AGBL4: variants seen among roughly 807,000 people sequenced by gnomAD.
AGBL4 encodes cytosolic carboxypeptidase 6.
In AGBL4, 58 loss-of-function variants were observed where a neutral mutation model predicts 66.4. The observed-to-expected ratio is 0.87, with a 90% CI of 0.71 to 1.09. The LOEUF (loss-of-function observed/expected upper bound fraction) is 1.09, where lower values mean the gene tolerates loss of function less well. Ranked by LOEUF, AGBL4 falls within the 50% of genes least tolerant of loss-of-function variation. The probability of loss-of-function intolerance (pLI) is 0.00; values close to 1 mark genes in which losing one functional copy is unlikely to be tolerated. For missense variants in AGBL4, 579 were observed against 631.0 expected (o/e 0.92, Z 0.88); for synonymous variants, 234 against 222.9 (o/e 1.05, Z -0.44).
intron 1 of AGBL4, among the ~76,000 whole-genome samples, chr1:49,890,799 A>G (rs980616723): frequency 4.6e-5 from 7 of 152,210 alleles, no homozygotes; most frequent in African/African-American, 1.7e-4. Flanking sequence ...GAGGAGGCAT[A>G]TATAAGAAAG....
intron 4 of AGBL4, among the ~76,000 whole-genome samples, chr1:49,192,650 C>A (rs115737235): frequency 6.6e-6 from 1 of 152,166 alleles, no homozygotes; most frequent in Non-Finnish European, 1.5e-5. Context: ...TTTTGAGAAG[C>A]GTCTGTTCAT....
intron 8 of AGBL4, among the ~76,000 whole-genome samples, chr1:48,643,443 G>C (rs1475968994): frequency 7.2e-5 from 11 of 152,068 alleles, no homozygotes; most frequent in Admixed American, 7.2e-4. Context: ...CATTCCTCAA[G>C]GATCTCCACT....
intron 3 of AGBL4, among the ~76,000 whole-genome samples, chr1:49,697,061 A>G (rs528388657): frequency 6.6e-6 from 1 of 152,224 alleles, no homozygotes; most frequent in Admixed American, 6.5e-5. Flanking sequence ...CTAACATATC[A>G]TGCTAATGCT....
At chr1:49,190,785 C>T (rs1322287637) in intron 4 of AGBL4, among the ~76,000 whole-genome samples, 1 of 152,108 alleles carries the variant, frequency 6.6e-6, no homozygotes, top group Non-Finnish European at 1.5e-5. Context: ...TATGTGCTAA[C>T]TTTGGATCTA....
At chr1:49,831,596 C>T (rs962353161) in intron 2 of AGBL4, among the ~76,000 whole-genome samples, 17 of 152,122 alleles carry the variant, frequency 1.1e-4, no homozygotes, top group Non-Finnish European at 1.9e-4. Flanking sequence ...TTTGAATACC[C>T]TTTATTTCTT....
At chr1:49,127,341 T>C (rs1377044233) in intron 4 of AGBL4, among the ~76,000 whole-genome samples, 2 of 152,148 alleles carry the variant, frequency 1.3e-5, no homozygotes, top group Admixed American at 1.3e-4. Flanking sequence ...TAGTGTATAC[T>C]GCTCGGTTGA....
At chr1:49,745,302 A>G (rs1332540863) in intron 2 of AGBL4, among the ~76,000 whole-genome samples, 1 of 152,084 alleles carries the variant, frequency 6.6e-6, no homozygotes, top group Non-Finnish European at 1.5e-5. Context: ...ATGGTCCAAA[A>G]AAAGATGAGA....
At chr1:49,666,643 T>G (rs1391700793) in intron 3 of AGBL4, among the ~76,000 whole-genome samples, 1 of 152,006 alleles carries the variant, frequency 6.6e-6, no homozygotes, top group Non-Finnish European at 1.5e-5. Context: ...TATCCTTACA[T>G]AATTACCACT....
At chr1:49,163,694 C>T (rs1646581261) in intron 4 of AGBL4, among the ~76,000 whole-genome samples, 1 of 151,990 alleles carries the variant, frequency 6.6e-6, no homozygotes, top group African/African-American at 2.4e-5. Flanking sequence ...ATAACTATGA[C>T]TTAATTCAAA....
At chr1:49,198,245 T>TTG (rs1017266516) in intron 4 of AGBL4, among the ~76,000 whole-genome samples, 1 of 152,144 alleles carries the variant, frequency 6.6e-6, no homozygotes, top group Non-Finnish European at 1.5e-5. Flanking sequence ...CACTTTCTCT[T>TTG]TCCCAGTGTC....
intron 1 of AGBL4, among the ~76,000 whole-genome samples, chr1:49,884,700 C>T (rs1647823096): frequency 6.6e-6 from 1 of 151,566 alleles, no homozygotes; most frequent in South Asian, 2.1e-4. Context: ...TGTGGCTTAT[C>T]TTTACAGAAG....
intron 6 of AGBL4, among the ~76,000 whole-genome samples, chr1:48,733,575 T>C (rs985316931): frequency 3.3e-5 from 5 of 152,208 alleles, no homozygotes; most frequent in African/African-American, 1.2e-4. Context: ...TGGCAGATGA[T>C]GCTGAGTTCC....
At chr1:49,466,762 G>A (rs1260253499) in intron 3 of AGBL4, among the ~76,000 whole-genome samples, 10 of 151,840 alleles carry the variant, frequency 6.6e-5, no homozygotes, top group Middle Eastern at 3.4e-3. Context: ...AACTGGGTTC[G>A]TATCCTCATT....
rs1470853566 is a variant in AGBL4 at position 49,372,457 on chromosome 1, A to G, written c.283-126593T>C. 2.0e-5 allele frequency among the ~76,000 whole-genome samples: 3 copies of G among 152,046 alleles called. No homozygotes were observed. The East Asian group carries it at 5.8e-4, about 29-fold the overall frequency. On this transcript the variant is annotated intron_variant, in intron 3 of 13. Coordinates refer to ENST00000371839, the MANE Select transcript of AGBL4 (RefSeq NM_032785.4). Reference sequence around the variant, plus strand: ...TTCCTTTCCCATAAAGCCTCCTACCAATCCCTCCAATCTTGGGAACTTTGT... The same window carrying G: ...TTCCTTTCCCATAAAGCCTCCTACCGATCCCTCCAATCTTGGGAACTTTGT...
At position 50,014,685 on chromosome 1, in the gene AGBL4, C is replaced by T. The variant is rs147771414; in HGVS notation, c.34+9078G>A. On this transcript the variant is annotated intron_variant, in intron 1 of 13. Transcript: ENST00000371839. ...GACTACAGGCACAAGCCAACACGCC[C>T]GGCTAATTTTTGTATATCTAGTAGA... Among the ~76,000 whole-genome samples the T allele has an allele frequency of 2.6e-3, 392 of 151,792 alleles. 3 individuals carry two copies. Among genetic ancestry groups the T allele is most frequent in the African/African-American group, 9.0e-3 (371 of 41,390 alleles).
chr1:48,745,995 C>T (rs529168117), intron 6 of AGBL4, among the ~76,000 whole-genome samples: 7 of 152,172 alleles, frequency 4.6e-5, no homozygotes, highest in South Asian at 2.1e-4. Flanking sequence ...AGCCAAGGAC[C>T]GTGTCTTTTT....
chr1:49,855,927 A>T (rs1383607763), intron 1 of AGBL4, among the ~76,000 whole-genome samples: 1 of 151,500 alleles, frequency 6.6e-6, no homozygotes, highest in African/African-American at 2.4e-5. Context: ...AATAGAATCT[A>T]AAAAAATACA....
intron 1 of AGBL4, among the ~76,000 whole-genome samples, chr1:49,952,813 A>C (rs1656276650): frequency 6.6e-6 from 1 of 151,994 alleles, no homozygotes; most frequent in African/African-American, 2.4e-5. Context: ...ATATATGTAC[A>C]TTGAGAAGCA....
At chr1:48,558,042 T>C (rs769165980) in intron 11 of AGBL4, among the ~76,000 whole-genome samples, 7 of 152,046 alleles carry the variant, frequency 4.6e-5, no homozygotes, top group African/African-American at 7.2e-5. Context: ...GATAAGTGGG[T>C]CATCCACCAA....
Sources: gnomAD v4.1 joint callset for allele counts (sites outside exome capture counted in the v4.1 genomes callset) on GRCh38, gnomAD v4.1.1 for gene constraint, MANE v1.5 for transcripts, NCBI Gene and HGNC (gene_info 2026-07-23, HGNC 2026-07-21) for gene names.